Variants in RBM20 observed in about 807,000 individuals in gnomAD.
RBM20 encodes RNA binding motif protein 20, also known as RNA-binding protein 20.
RBM20 carries 51 observed loss-of-function variants against 110.1 expected under a neutral mutation model. The ratio of observed to expected loss-of-function variants is 0.46; its 90% CI spans 0.37 to 0.59. The LOEUF (loss-of-function observed/expected upper bound fraction) is 0.59. Ranked by LOEUF, RBM20 falls within the 20% of genes least tolerant of loss-of-function variation. RBM20 has a pLI of 0.00. For synonymous variants in RBM20, 589 were observed against 618.2 expected, an observed-to-expected ratio of 0.95 and a Z score of 0.70; for missense variants, 1,512 against 1,574.9, an observed-to-expected ratio of 0.96 and a Z score of 0.68.
chr10:110,685,969 G>A (rs536691281), intron 1 of RBM20, among the ~76,000 whole-genome samples: 2 of 152,326 alleles, frequency 1.3e-5, no homozygotes, highest in East Asian at 1.9e-4. Flanking sequence ...GGTATTTAAC[G>A]TAAGCCTGAG....
intron 1 of RBM20, among the ~76,000 whole-genome samples, chr10:110,767,001 GGGC>G (rs1295589249): frequency 1.6e-4 from 19 of 119,628 alleles, no homozygotes; most frequent in African/African-American, 5.4e-4. Context: ...CCGGGCAGAG[GGGC>G]TCCTCACTTC....
chr10:110,779,457 C>T (rs532879670), intron 1 of RBM20, among the ~76,000 whole-genome samples: 1 of 152,318 alleles, frequency 6.6e-6, no homozygotes, highest in South Asian at 2.1e-4. Context: ...CATTGGCATC[C>T]TTTGTCATAT....
chr10:110,653,720 T>C lies in RBM20; in HGVS notation c.191+9075T>C, dbSNP rs186174983. On this transcript the variant is annotated intron_variant, in intron 1 of 13. Transcript: ENST00000369519. ...GTAGACGTGCACCACCACGCTCTCC[T>C]AATTTTTGTATTTTTTGTAGAGATG... 5.4e-4 allele frequency among the ~76,000 whole-genome samples: 82 copies of C among 152,248 alleles called. 1 individual carries two copies. Among genetic ancestry groups the C allele is most frequent in the Admixed American group, 2.9e-3 (45 of 15,296 alleles).
At chr10:110,731,314 T>C (rs1228878353) in intron 1 of RBM20, among the ~76,000 whole-genome samples, 1 of 152,222 alleles carries the variant, frequency 6.6e-6, no homozygotes, top group Non-Finnish European at 1.5e-5. Flanking sequence ...TTTATTCCTT[T>C]CCTTGAGAGA....
intron 1 of RBM20, chr10:110,761,174 T>G (rs376481966): frequency 2.0e-5 from 3 of 151,246 alleles, no homozygotes; most frequent in East Asian, 3.9e-4. Context: ...ATATGTCTGA[T>G]CTCATCTGAT....
chr10:110,828,135 T>C (rs900863535), intron 12 of RBM20, among the ~76,000 whole-genome samples: 10 of 152,184 alleles, frequency 6.6e-5, no homozygotes, highest in African/African-American at 2.2e-4. Context: ...CCAGCTTTAC[T>C]AGGATGACAG....
At chr10:110,652,577 C>A (rs1861967119) in intron 1 of RBM20, among the ~76,000 whole-genome samples, 1 of 152,100 alleles carries the variant, frequency 6.6e-6, no homozygotes, top group Admixed American at 6.5e-5. Context: ...ACTGAGCTGC[C>A]CTTTAGCATC....
intron 1 of RBM20, among the ~76,000 whole-genome samples, chr10:110,702,987 T>TG (rs1564820074): frequency 8.9e-5 from 12 of 134,186 alleles, no homozygotes; most frequent in South Asian, 8.0e-4. Context: ...GGGTTTTTTT[T>TG]CTTGTTTTTT....
chr10:110,815,032 A>G (rs1844821281), intron 9 of RBM20, among the ~76,000 whole-genome samples: 1 of 152,236 alleles, frequency 6.6e-6, no homozygotes, highest in African/African-American at 2.4e-5. Flanking sequence ...GAATCCAAAG[A>G]GCAGGCAACA....
At chr10:110,666,491 A>T (rs1378383831) in intron 1 of RBM20, among the ~76,000 whole-genome samples, 7 of 152,244 alleles carry the variant, frequency 4.6e-5, no homozygotes, top group Non-Finnish European at 8.8e-5. Flanking sequence ...GAAAGTTTTT[A>T]AAAAATTAGC....
chr10:110,819,183 T>A (rs1032966294), intron 9 of RBM20, among the ~76,000 whole-genome samples: 6 of 152,214 alleles, frequency 3.9e-5, no homozygotes, highest in African/African-American at 1.4e-4. Flanking sequence ...TGGCCAAAGT[T>A]TAAGTCATGG....
At chr10:110,735,731 C>A (rs1279027972) in intron 1 of RBM20, among the ~76,000 whole-genome samples, 1 of 152,186 alleles carries the variant, frequency 6.6e-6, no homozygotes, top group East Asian at 1.9e-4. Context: ...TGCCCCATCT[C>A]AAGGTTTTAT....
Position 110,781,214 on chromosome 10 carries a change from T to A in RBM20, c.605T>A (p.Val202Glu), listed in dbSNP as rs1346215304. 1 of 1,551,656 alleles carries A rather than the reference T, an allele frequency of 6.4e-7. No individual in the cohort carries two copies. Among genetic ancestry groups the A allele is most frequent in the South Asian group, 1.2e-5 (1 of 84,062 alleles). Residue 202 changes from valine to glutamate, a missense_variant, in exon 2 of 14, where the codon GTA becomes GAA. This residue lies in a region of RBM20 where 1,149 missense variants were observed against 1,169.4 expected (regional missense o/e 0.98). Coordinates refer to ENST00000369519, the MANE Select transcript of RBM20 (RefSeq NM_001134363.3). ...SAMVMHPFTG[V>E]MPQTPGQPAV... Reference sequence around the variant, plus strand: ...ATGGTGATGCATCCTTTCACTGGGGTAATGCCTCAGACCCCTGGCCAGCCA... The same window carrying A: ...ATGGTGATGCATCCTTTCACTGGGGAAATGCCTCAGACCCCTGGCCAGCCA...
chr10:110,786,499 T>G (rs1844420579), intron 5 of RBM20, among the ~76,000 whole-genome samples: 1 of 152,144 alleles, frequency 6.6e-6, no homozygotes. Flanking sequence ...TGTGTGTTGA[T>G]CTGTGATGTT....
chr10:110,671,241 A>G (rs1195491927), intron 1 of RBM20, among the ~76,000 whole-genome samples: 1 of 152,182 alleles, frequency 6.6e-6, no homozygotes, highest in Non-Finnish European at 1.5e-5. Flanking sequence ...TGATGGTTCT[A>G]GTTTTTCTGT....
At chr10:110,760,425 CTTTTTTTTT>C (rs541027608) in intron 1 of RBM20, among the ~76,000 whole-genome samples, 1 of 57,874 alleles carries the variant, frequency 1.7e-5, no homozygotes, top group African/African-American at 6.4e-5. Flanking sequence ...ATTCCATCAT[CTTTTTTTTT>C]TTTTTTTTTT....
chr10:110,707,307 C>A (rs1207912241), intron 1 of RBM20, among the ~76,000 whole-genome samples: 4 of 152,156 alleles, frequency 2.6e-5, no homozygotes, highest in Non-Finnish European at 4.4e-5. Context: ...TTTATTTTTG[C>A]TAACCTGATA....
At chr10:110,769,385 T>C (rs1844154408) in intron 1 of RBM20, among the ~76,000 whole-genome samples, 1 of 152,218 alleles carries the variant, frequency 6.6e-6, no homozygotes, top group Non-Finnish European at 1.5e-5. Context: ...TCACCCTCTG[T>C]TCTCTGTACT....
chr10:110,666,465 A>T (rs1476699576), intron 1 of RBM20, among the ~76,000 whole-genome samples: 1 of 152,170 alleles, frequency 6.6e-6, no homozygotes, highest in African/African-American at 2.4e-5. Context: ...CAATATAGCC[A>T]GACCCCATGT....
Sources: allele counts gnomAD v4.1 joint callset (sites outside exome capture counted in the v4.1 genomes callset), GRCh38; gene constraint gnomAD v4.1.1; regional missense constraint gnomAD v4.1.1; transcripts MANE v1.5; gene names NCBI Gene and HGNC (gene_info 2026-07-23, HGNC 2026-07-21).